ZNF385D: variants seen among roughly 807,000 people sequenced by gnomAD.
ZNF385D encodes the protein zinc finger protein 385D.
A neutral mutation model predicts 35.8 loss-of-function variants in ZNF385D; 15 were observed. The observed-to-expected ratio is 0.42, with a 90% confidence interval of 0.28 to 0.64. The LOEUF (loss-of-function observed/expected upper bound fraction) is 0.64, where lower values mean the gene tolerates loss of function less well. ZNF385D is among the 30% of genes least tolerant of loss of function. The probability of loss-of-function intolerance (pLI) is 0.23; values close to 1 mark genes in which losing one functional copy is unlikely to be tolerated. For synonymous variants in ZNF385D, 212 were observed against 186.8 expected (o/e 1.13, Z -1.10); for missense variants, 474 against 494.6 (o/e 0.96, Z 0.39).
intron 3 of ZNF385D, among the ~76,000 whole-genome samples, chr3:21,763,276 G>A (rs988801289): frequency 6.6e-6 from 1 of 152,108 alleles, no homozygotes; most frequent in African/African-American, 2.4e-5. Flanking sequence ...GAGCTGTCAG[G>A]TCTCCCCGGA....
At chr3:22,019,792 G>C (rs1050114154) in intron 3 of ZNF385D, among the ~76,000 whole-genome samples, 1 of 151,774 alleles carries the variant, frequency 6.6e-6, no homozygotes, top group Non-Finnish European at 1.5e-5. Flanking sequence ...AAATAAAAAT[G>C]TGGGGCCCTT....
chr3:22,173,080 T>C (rs906729981), intron 2 of ZNF385D, among the ~76,000 whole-genome samples: 1 of 152,226 alleles, frequency 6.6e-6, no homozygotes, highest in Non-Finnish European at 1.5e-5. Flanking sequence ...ACCTCTGTGA[T>C]CTTCCTTACA....
rs114989296 is a variant in ZNF385D, at chr3:21,735,364, G to A, written c.22+15531C>T. Among the ~76,000 whole-genome samples, 225 of 152,180 alleles carry A rather than the reference G, an allele frequency of 1.5e-3. 1 individual carries two copies. The highest frequency in any genetic ancestry group is 4.1e-3 in the African/African-American group (172 of 41,514). On this transcript the variant is annotated intron_variant, in intron 1 of 7. Coordinates refer to ENST00000281523, the MANE Select transcript of ZNF385D (RefSeq NM_024697.3). Reference sequence around the variant, plus strand: ...TAGTCAACAGATCTGAATTCTAGGCGGCCCTATTTGTGCCACTCACTACTG... The same window carrying A: ...TAGTCAACAGATCTGAATTCTAGGCAGCCCTATTTGTGCCACTCACTACTG...
At chr3:22,012,086 C>A (rs1026810459) in intron 3 of ZNF385D, among the ~76,000 whole-genome samples, 2 of 152,100 alleles carry the variant, frequency 1.3e-5, no homozygotes, top group African/African-American at 2.4e-5. Context: ...ATTTGGGAAC[C>A]ATAGGTAGGC....
intron 2 of ZNF385D, among the ~76,000 whole-genome samples, chr3:22,177,570 A>G (rs556853544): frequency 1.3e-5 from 2 of 152,236 alleles, no homozygotes; most frequent in South Asian, 4.1e-4. Context: ...AATGTAGGCT[A>G]GACTGACTAT....
chr3:22,351,041 A>G (rs1325787268), intron 2 of ZNF385D, among the ~76,000 whole-genome samples: 3 of 152,094 alleles, frequency 2.0e-5, no homozygotes, highest in Non-Finnish European at 2.9e-5. Context: ...CTTATCCACA[A>G]TGCTACACTG....
At chr3:22,034,361 A>G (rs983519445) in intron 3 of ZNF385D, among the ~76,000 whole-genome samples, 1 of 152,126 alleles carries the variant, frequency 6.6e-6, no homozygotes, top group Non-Finnish European at 1.5e-5. Flanking sequence ...TGACCATGCC[A>G]GCACCCTGAT....
intron 2 of ZNF385D, among the ~76,000 whole-genome samples, chr3:22,219,204 T>C (rs1698088137): frequency 6.6e-6 from 1 of 152,170 alleles, no homozygotes; most frequent in Non-Finnish European, 1.5e-5. Context: ...TGATTATTTG[T>C]CACAATTTCT....
intron 3 of ZNF385D, among the ~76,000 whole-genome samples, chr3:21,895,489 G>A (rs1699088009): frequency 6.7e-6 from 1 of 148,654 alleles, no homozygotes; most frequent in Non-Finnish European, 1.5e-5. Flanking sequence ...CACCATGCCT[G>A]GCTAATTTTT....
At chr3:21,964,214 G>A (rs1241346477) in intron 3 of ZNF385D, among the ~76,000 whole-genome samples, 1 of 151,510 alleles carries the variant, frequency 6.6e-6, no homozygotes, top group Non-Finnish European at 1.5e-5. Flanking sequence ...AACTATTTCA[G>A]ATATGAGATA....
At chr3:21,842,516 C>T (rs2673521) in intron 3 of ZNF385D, among the ~76,000 whole-genome samples, 128,035 of 151,956 alleles carry the variant, frequency 0.84, 54,415 homozygotes, top group African/African-American at 0.95. Flanking sequence ...TTGGTCGACA[C>T]AGGCTCTCTA....
intron 3 of ZNF385D, among the ~76,000 whole-genome samples, chr3:21,875,227 A>G (rs1295035410): frequency 1.3e-5 from 2 of 150,802 alleles, no homozygotes; most frequent in Non-Finnish European, 3.0e-5. Flanking sequence ...CCTTTCCAAT[A>G]TGAATGTCTT....
At chr3:22,202,554 T>C (rs987381439) in intron 2 of ZNF385D, among the ~76,000 whole-genome samples, 9 of 152,084 alleles carry the variant, frequency 5.9e-5, no homozygotes, top group Non-Finnish European at 1.2e-4. Flanking sequence ...ATGGAACAAC[T>C]TTCTGTACCA....
At chr3:21,650,327 G>T (rs1354805998) in intron 2 of ZNF385D, among the ~76,000 whole-genome samples, 1 of 152,016 alleles carries the variant, frequency 6.6e-6, no homozygotes, top group African/African-American at 2.4e-5. Flanking sequence ...TGCTCCTGTA[G>T]TGAGTATTTT....
At chr3:22,091,209 C>G (rs1329950972) in intron 3 of ZNF385D, among the ~76,000 whole-genome samples, 1 of 152,100 alleles carries the variant, frequency 6.6e-6, no homozygotes, top group East Asian at 1.9e-4. Context: ...AACTTGGACA[C>G]CAAGATTCCA....
intron 3 of ZNF385D, among the ~76,000 whole-genome samples, chr3:21,534,873 G>T (rs1183260739): frequency 3.9e-5 from 6 of 152,064 alleles, no homozygotes; most frequent in African/African-American, 1.2e-4. Context: ...CCTTATAGGG[G>T]TTATTGGAAG....
intron 3 of ZNF385D, among the ~76,000 whole-genome samples, chr3:21,789,563 T>C (rs562953774): frequency 2.4e-4 from 36 of 152,292 alleles, no homozygotes; most frequent in Middle Eastern, 6.8e-3. Flanking sequence ...TACAGATTAA[T>C]AAAAAGCAAA....
In ZNF385D at chr3:21,414,046, T is replaced by C. The variant is rs1700528818; in HGVS notation, c.*7168A>G. 1 of 152,074 alleles carries C rather than the reference T, an allele frequency of 6.6e-6. No individual in the cohort carries two copies. 9.4% of individuals were successfully genotyped at this position (152,074 alleles called of 1,614,324 possible). A position where few individuals can be genotyped will look rare whatever the true frequency, so the allele number is the denominator to read the frequency against. ...CTAAATTTTCCCCGACTGACCACTC[T>C]TGGTAGTCGATTTAAAATTTGTTGT... On this transcript the variant is annotated 3_prime_UTR_variant, in exon 8 of 8. Transcript: ENST00000281523.
intron 1 of ZNF385D, among the ~76,000 whole-genome samples, chr3:21,677,239 G>T (rs2066757431): frequency 6.6e-6 from 1 of 152,022 alleles, no homozygotes; most frequent in Non-Finnish European, 1.5e-5. Flanking sequence ...GAGGGTCCCT[G>T]GGCCCTGAGA....
Sources: gnomAD v4.1 joint callset for allele counts (sites outside exome capture counted in the v4.1 genomes callset) on GRCh38, gnomAD v4.1.1 for gene constraint, MANE v1.5 for transcripts, NCBI Gene and HGNC (gene_info 2026-07-23, HGNC 2026-07-21) for gene names.